The following NDUFAB1 variants were observed in gnomAD, a reference collection of about 807,000 sequenced individuals.
NDUFAB1 encodes NADH:ubiquinone oxidoreductase subunit AB1, also known as acyl carrier protein, mitochondrial.
Under a neutral mutation model 16.1 loss-of-function variants are expected in NDUFAB1, and 5 were observed. That is an observed-to-expected ratio of 0.31 (90% CI 0.16 to 0.65). The LOEUF is 0.65. NDUFAB1 is among the 30% of genes least tolerant of loss of function. The pLI, the probability that NDUFAB1 is intolerant of heterozygous loss-of-function variation, is 0.77. For missense variants in NDUFAB1, 187 were observed against 205.3 expected, an observed-to-expected ratio of 0.91 and a Z score of 0.54; for synonymous variants, 85 against 78.4, an observed-to-expected ratio of 1.08 and a Z score of -0.44.
intron 1 of NDUFAB1, among the ~76,000 whole-genome samples, chr16:23,595,871 G>A (rs915338916): frequency 2.0e-5 from 3 of 152,228 alleles, no homozygotes; most frequent in Admixed American, 2.0e-4. Context: ...TAGGAGACTT[G>A]TCCAAAGTTT....
At chr16:23,590,041 C>T (rs971569463) in intron 1 of NDUFAB1, among the ~76,000 whole-genome samples, 3 of 152,076 alleles carry the variant, frequency 2.0e-5, no homozygotes, top group Admixed American at 2.0e-4. Context: ...GGAAGGATCG[C>T]TTGAGCCCAG....
chr16:23,589,451 G>A (rs1966260197), intron 1 of NDUFAB1, among the ~76,000 whole-genome samples: 1 of 152,052 alleles, frequency 6.6e-6, no homozygotes, highest in African/African-American at 2.4e-5. Flanking sequence ...TATTATACAT[G>A]GGTTAAGGAG....
chr16:23,583,814 G>C (rs1966206640), intron 3 of NDUFAB1, among the ~76,000 whole-genome samples: 1 of 152,146 alleles, frequency 6.6e-6, no homozygotes, highest in Non-Finnish European at 1.5e-5. Flanking sequence ...GTTTCGAATA[G>C]AAAAGGGGGA....
chr16:23,595,724 T>C (rs750669666), intron 1 of NDUFAB1: 7 of 461,840 alleles, frequency 1.5e-5, no homozygotes, highest in Non-Finnish European at 2.1e-5. Flanking sequence ...CTTTGCATGC[T>C]GCTTTCACTA....
At chr16:23,582,427 T>C in intron 3 of NDUFAB1, 52 bp from the exon 4 acceptor site, 2 of 1,485,970 alleles carry the variant, frequency 1.3e-6, no homozygotes, top group South Asian at 1.4e-5. Context: ...AAAAATCCTT[T>C]AGAACTGAAC....
intron 1 of NDUFAB1, among the ~76,000 whole-genome samples, chr16:23,594,213 C>T (rs1966303464): frequency 6.6e-6 from 1 of 151,928 alleles, no homozygotes; most frequent in Admixed American, 6.6e-5. Context: ...ACACTTTTCA[C>T]CTTTTGATAC....
chr16:23,583,453 T>A lies in NDUFAB1; in HGVS notation c.380-1078A>T, dbSNP rs1250719188. On this transcript the variant is annotated intron_variant, in intron 3 of 4. Coordinates refer to ENST00000007516, the MANE Select transcript of NDUFAB1 (RefSeq NM_005003.3). The stretch of plus-strand genomic sequence containing the variant: ...CATCCCGTCTAGGAAGTGAGGAGCG[T>A]CTCTGCCCGGCCACCCATCGTCTGA... Among the ~76,000 whole-genome samples the A allele has an allele frequency of 2.2e-5, 3 of 134,696 alleles. No homozygotes were observed. The East Asian group carries it at 6.9e-4, about 31-fold the overall frequency. The allele number at this position is 134,696 out of a possible 152,430, so 88.4% of individuals were successfully genotyped here. A position where few individuals can be genotyped will look rare whatever the true frequency, so the allele number is the denominator to read the frequency against.
chr16:23,582,129 G>A (rs1295574202), intron 4 of NDUFAB1, 147 bp downstream of exon 4: 1 of 981,316 alleles, frequency 1.0e-6, no homozygotes, highest in Non-Finnish European at 1.4e-6. Context: ...GCCCCTTTGA[G>A]TGGCAGACAA....
Position 23,596,263 on chromosome 16 carries a change from C to A in NDUFAB1, c.28G>T (p.Val10Phe). 2.5e-6 allele frequency: 4 copies of A among 1,589,138 alleles called. No homozygotes were observed. In the South Asian group the frequency reaches 3.4e-5, roughly 14 times the overall value. Residue 10 changes from valine (V) to phenylalanine (F), a missense_variant, in exon 1 of 5, where the codon GTC becomes TTC. Val to Phe is a conservative substitution (Grantham distance 50). Around this residue, in one of 3 missense-constraint regions of NDUFAB1, gnomAD observed 135 missense variants for 129.4 expected, o/e 1.04. Transcript: ENST00000007516. MASRVLSAY[V>F]SRLPAAFAPL... ...GCAAAGGCCGCGGGCAGGCGGCTGA[C>A]ATAGGCTGAAAGGACACGAGACGCC...
intron 1 of NDUFAB1, among the ~76,000 whole-genome samples, chr16:23,588,724 T>C (rs532848563): frequency 3.3e-5 from 5 of 152,170 alleles, no homozygotes; most frequent in Admixed American, 6.5e-5. Flanking sequence ...ACACCTGTAA[T>C]CCCAGCACTT....
chr16:23,596,162 C>G lies in NDUFAB1; in HGVS notation c.129G>C (p.Thr43=). The stretch of plus-strand genomic sequence containing the variant: ...AGGCCGGCTGCAAAGTCCCGAGCCT[C>G]GTCTGGGTCCCCGCGGAGCAGAGAG... ...STALCSAGTQ[T]RLGTLQPALV... is the part of the protein sequence containing the mutation. The change falls in exon 1 of 5, where the codon ACG becomes ACC. Residue 43 remains threonine (T), a synonymous_variant. Transcript: ENST00000007516. 1 of 1,610,882 alleles carries G rather than the reference C, an allele frequency of 6.2e-7. No individual in the cohort carries two copies. The highest frequency in any genetic ancestry group is 8.5e-7 in the Non-Finnish European group (1 of 1,178,840).
At chr16:23,585,917 C>A (rs1489568133) in intron 2 of NDUFAB1, among the ~76,000 whole-genome samples, 2 of 152,156 alleles carry the variant, frequency 1.3e-5, no homozygotes, top group Admixed American at 1.3e-4. Context: ...TGAAGGATTT[C>A]ACTCTAATGT....
chr16:23,582,611 A>G (rs1298311078), intron 3 of NDUFAB1, among the ~76,000 whole-genome samples: 1 of 152,042 alleles, frequency 6.6e-6, no homozygotes, highest in Non-Finnish European at 1.5e-5. Flanking sequence ...AATTCACATA[A>G]TAGAAAATTC....
intron 3 of NDUFAB1, among the ~76,000 whole-genome samples, chr16:23,585,091 C>T (rs928700528): frequency 2.6e-5 from 4 of 152,202 alleles, no homozygotes; most frequent in Admixed American, 6.5e-5. Flanking sequence ...TCTGGTCATT[C>T]GGCTCTTGGC....
chr16:23,588,440 C>T (rs936260812), intron 1 of NDUFAB1, among the ~76,000 whole-genome samples: 1 of 151,938 alleles, frequency 6.6e-6, no homozygotes, highest in Non-Finnish European at 1.5e-5. Flanking sequence ...GGCGACAAAG[C>T]AAGACTCCGT....
chr16:23,594,504 C>T (rs1366269348), intron 1 of NDUFAB1, among the ~76,000 whole-genome samples: 1 of 151,902 alleles, frequency 6.6e-6, no homozygotes, highest in Non-Finnish European at 1.5e-5. Context: ...AGGCGCGTGC[C>T]ACCACGCCCG....
At chr16:23,590,219 C>G (rs1966267774) in intron 1 of NDUFAB1, among the ~76,000 whole-genome samples, 4 of 152,206 alleles carry the variant, frequency 2.6e-5, no homozygotes, top group Non-Finnish European at 5.9e-5. Flanking sequence ...TTAAACGAGT[C>G]TCTGACTGGA....
intron 1 of NDUFAB1, 54 bp from the exon 2 acceptor site, chr16:23,587,373 T>G: frequency 6.3e-7 from 1 of 1,598,334 alleles, no homozygotes; most frequent in Non-Finnish European, 8.5e-7. Flanking sequence ...TACCTCTAAA[T>G]CAATGCACAA....
chr16:23,589,582 G>A (rs1416303880), intron 1 of NDUFAB1, among the ~76,000 whole-genome samples: 2 of 152,164 alleles, frequency 1.3e-5, no homozygotes, highest in Admixed American at 6.6e-5. Flanking sequence ...AGGTAATATG[G>A]CAATGGCAGA....
Sources: allele counts gnomAD v4.1 joint callset (sites outside exome capture counted in the v4.1 genomes callset), GRCh38; gene constraint gnomAD v4.1.1; regional missense constraint gnomAD v4.1.1; transcripts MANE v1.5; gene names NCBI Gene and HGNC (gene_info 2026-07-23, HGNC 2026-07-21).